GAN: variants seen among roughly 807,000 people sequenced by gnomAD.
GAN encodes gigaxonin.
GAN carries 48 observed loss-of-function variants against 71.3 expected under a neutral mutation model. That is an observed-to-expected ratio of 0.67 (90% CI 0.53 to 0.86). The LOEUF (loss-of-function observed/expected upper bound fraction) is 0.86. GAN is among the 40% of genes least tolerant of loss of function. The pLI, the probability that GAN is intolerant of heterozygous loss-of-function variation, is 0.00. For missense variants in GAN, 928 were observed against 770.1 expected (o/e 1.21, Z -2.43); for synonymous variants, 386 against 276.8 (o/e 1.39, Z -3.92).
chr16:81,373,995 C>T lies in GAN; in HGVS notation c.1503-3224C>T, dbSNP rs371538285. The stretch of plus-strand genomic sequence containing the variant: ...TGACTTCGTGATCCACCCGCCTGGG[C>T]CTCCTAAAGTGCTGGGATTACAGGC... On this transcript the variant is annotated intron_variant, in intron 9 of 10. Transcript: ENST00000648994. Among the ~76,000 whole-genome samples, 11 of 152,306 alleles carry T rather than the reference C, an allele frequency of 7.2e-5. No individual in the cohort carries two copies. In the East Asian group the frequency reaches 2.1e-3, roughly 29 times the overall value.
In GAN at chr16:81,380,780, T is replaced by C. The variant is rs965040921; in HGVS notation, c.*3184T>C. On this transcript the variant is annotated 3_prime_UTR_variant, in exon 11 of 11. Transcript: ENST00000648994. ...AGTAAGTTTTACTTGGTGTTCGCGT[T>C]TCTCTTCTTCAGCAGGATTAAAAAC... 5.9e-5 allele frequency: 9 copies of C among 152,214 alleles called. No individual in the cohort carries two copies. The highest frequency in any genetic ancestry group is 1.3e-4 in the Non-Finnish European group (9 of 68,040). The allele number at this position is 152,214 out of a possible 1,614,324, so 9.4% of individuals were successfully genotyped here. A position where few individuals can be genotyped will look rare whatever the true frequency, so the allele number is the denominator to read the frequency against.
At chr16:81,332,414 T>A (rs1248553412) in intron 1 of GAN, among the ~76,000 whole-genome samples, 5 of 152,200 alleles carry the variant, frequency 3.3e-5, no homozygotes. Context: ...CATATTTAAC[T>A]GGGTATGACT....
rs183182974 is a variant in GAN at position 81,374,151 on chromosome 16, A to G, written c.1503-3068A>G. 5.3e-5 allele frequency among the ~76,000 whole-genome samples: 8 copies of G among 152,288 alleles called. No homozygotes were observed. The East Asian group carries it at 1.2e-3, about 22-fold the overall frequency. On this transcript the variant is annotated intron_variant, in intron 9 of 10. Coordinates refer to ENST00000648994, the MANE Select transcript of GAN (RefSeq NM_022041.4). ...TGGATTGATCTAATGATTTCTTGCA[A>G]TTAGACTGAGGTTATGCAGTTTGGC...
chr16:81,364,457 G>C (rs977539105), intron 7 of GAN, among the ~76,000 whole-genome samples: 1 of 152,156 alleles, frequency 6.6e-6, no homozygotes, highest in African/African-American at 2.4e-5. Flanking sequence ...AGTAGAGATA[G>C]GGTTTCACTA....
intron 1 of GAN, among the ~76,000 whole-genome samples, chr16:81,336,172 G>A (rs529807517): frequency 1.2e-4 from 18 of 152,282 alleles, no homozygotes; most frequent in African/African-American, 4.3e-4. Flanking sequence ...TCACCTGTAG[G>A]CCCCTGGCAC....
Position 81,323,846 on chromosome 16 carries a change from A to G in GAN, c.167+8566A>G, listed in dbSNP as rs140249358. Among the ~76,000 whole-genome samples, 849 of 152,246 alleles carry G rather than the reference A, an allele frequency of 5.6e-3. 10 individuals carry two copies. The highest frequency in any genetic ancestry group is 0.019 in the African/African-American group (803 of 41,544). On this transcript the variant is annotated intron_variant, in intron 1 of 10. Transcript: ENST00000648994. ...CTCTTGTGCTGCCTGCCATTGGAGC[A>G]TTGTATTCAGTGGCCTCCCACAGAG...
intron 1 of GAN, among the ~76,000 whole-genome samples, chr16:81,339,486 T>G (rs1909872580): frequency 6.6e-6 from 1 of 152,322 alleles, no homozygotes; most frequent in African/African-American, 2.4e-5. Context: ...CATGTAATCA[T>G]CAAGCAGCAT....
At chr16:81,344,057 G>A (rs1421016707) in intron 1 of GAN, among the ~76,000 whole-genome samples, 1 of 152,186 alleles carries the variant, frequency 6.6e-6, no homozygotes, top group African/African-American at 2.4e-5. Flanking sequence ...ACTTACAAGG[G>A]ATGTGAAGGA....
chr16:81,339,027 T>A (rs1364992689), intron 1 of GAN, among the ~76,000 whole-genome samples: 1 of 152,266 alleles, frequency 6.6e-6, no homozygotes, highest in Non-Finnish European at 1.5e-5. Context: ...AATTTATGTC[T>A]GTTGAATTTA....
intron 1 of GAN, among the ~76,000 whole-genome samples, chr16:81,326,022 A>G (rs1909374259): frequency 6.6e-6 from 1 of 152,146 alleles, no homozygotes. Context: ...TTCCTCTGTA[A>G]GATTTTTCCA....
At chr16:81,362,350 A>T (rs978399885) in intron 5 of GAN, 149 bp from the exon 6 acceptor site, 7 of 690,570 alleles carry the variant, frequency 1.0e-5, no homozygotes, top group Admixed American at 8.2e-5. Flanking sequence ...ATCACCAAGG[A>T]TCCAATGGGA....
chr16:81,357,056 C>A (rs920234953), intron 4 of GAN, 54 bp downstream of exon 4: 11 of 1,031,346 alleles, frequency 1.1e-5, no homozygotes, highest in Non-Finnish European at 1.5e-5. Context: ...GAGGTAGTTC[C>A]ATGTAAACAA....
intron 1 of GAN, among the ~76,000 whole-genome samples, chr16:81,345,099 AAAC>A (rs2150680130): frequency 6.6e-6 from 1 of 152,216 alleles, no homozygotes; most frequent in East Asian, 1.9e-4. Flanking sequence ...AGTCAGGAAA[AAAC>A]CGATGCTGGA....
intron 9 of GAN, among the ~76,000 whole-genome samples, chr16:81,372,307 C>T (rs1005048002): frequency 1.3e-5 from 2 of 152,184 alleles, no homozygotes; most frequent in Non-Finnish European, 2.9e-5. Flanking sequence ...CTTGTAAGTA[C>T]TAGAAACTAT....
At chr16:81,363,674 A>G (rs1049940397) in intron 6 of GAN, 120 bp from the exon 7 acceptor site, 1 of 936,664 alleles carries the variant, frequency 1.1e-6, no homozygotes, top group Non-Finnish European at 1.7e-6. Context: ...TTGCTCTAGG[A>G]GTCCCCATTG....
At chr16:81,330,047 G>A (rs1424701717) in intron 1 of GAN, among the ~76,000 whole-genome samples, 4 of 152,106 alleles carry the variant, frequency 2.6e-5, no homozygotes, top group Non-Finnish European at 4.4e-5. Flanking sequence ...GCATCTAATT[G>A]ATGCCCAGAC....
At chr16:81,376,624 A>ATG in intron 9 of GAN, among the ~76,000 whole-genome samples, 1 of 147,992 alleles carries the variant, frequency 6.8e-6, no homozygotes, top group East Asian at 2.3e-4. Context: ...ATATGTATAT[A>ATG]TACATACATA....
At chr16:81,370,641 G>A (rs1911009113) in intron 9 of GAN, among the ~76,000 whole-genome samples, 2 of 152,372 alleles carry the variant, frequency 1.3e-5, no homozygotes, top group South Asian at 4.1e-4. Context: ...CTGGTCTCCT[G>A]CATGCTGGTA....
intron 1 of GAN, among the ~76,000 whole-genome samples, chr16:81,351,069 C>T (rs1472968243): frequency 6.6e-6 from 1 of 152,086 alleles, no homozygotes; most frequent in East Asian, 1.9e-4. Context: ...ATATATATTT[C>T]ACGGATGCAG....
Sources: gnomAD v4.1 joint callset for allele counts (sites outside exome capture counted in the v4.1 genomes callset) on GRCh38, gnomAD v4.1.1 for gene constraint, MANE v1.5 for transcripts, NCBI Gene and HGNC (gene_info 2026-07-23, HGNC 2026-07-21) for gene names.